COLEC12: variants seen among roughly 807,000 people sequenced by gnomAD.
COLEC12 encodes collectin subfamily member 12, also known as collectin-12.
In COLEC12, 33 loss-of-function variants were observed where a neutral mutation model predicts 71.1. The ratio of observed to expected loss-of-function variants is 0.46; its 90% CI spans 0.35 to 0.62. COLEC12 has a LOEUF of 0.62. COLEC12 is among the 20% of genes least tolerant of loss of function. The pLI is 0.00. For missense variants in COLEC12, 765 were observed against 916.1 expected (o/e 0.84, Z 2.13); for synonymous variants, 350 against 353.0 (o/e 0.99, Z 0.10).
At chr18:413,202 T>C (rs1481035316) in intron 2 of COLEC12, among the ~76,000 whole-genome samples, 3 of 152,118 alleles carry the variant, frequency 2.0e-5, no homozygotes, top group Non-Finnish European at 4.4e-5. Context: ...TGAAGAGACA[T>C]TTGACTGAAG....
intron 9 of COLEC12, among the ~76,000 whole-genome samples, chr18:321,242 T>C (rs1005527756): frequency 3.3e-5 from 5 of 152,232 alleles, no homozygotes; most frequent in African/African-American, 9.6e-5. Context: ...TTAGTAGAGA[T>C]GGGGTTTCTC....
chr18:464,561 C>T (rs1390749159), intron 2 of COLEC12, among the ~76,000 whole-genome samples: 1 of 152,170 alleles, frequency 6.6e-6, no homozygotes, highest in African/African-American at 2.4e-5. Context: ...TCACTGGTTC[C>T]CCCCACTTTC....
intron 2 of COLEC12, among the ~76,000 whole-genome samples, chr18:361,526 T>C: frequency 6.6e-6 from 1 of 152,044 alleles, no homozygotes; most frequent in East Asian, 1.9e-4. Context: ...AAGGCACTCT[T>C]AACTAAAGGA....
chr18:368,982 A>G (rs997585592), intron 2 of COLEC12, among the ~76,000 whole-genome samples: 1 of 152,170 alleles, frequency 6.6e-6, no homozygotes, highest in Non-Finnish European at 1.5e-5. Context: ...GTGACCCCCA[A>G]TTGTTGTTAT....
intron 2 of COLEC12, among the ~76,000 whole-genome samples, chr18:419,084 G>A (rs1916044572): frequency 6.6e-6 from 1 of 152,230 alleles, no homozygotes. Flanking sequence ...AAGAGCTGAT[G>A]TAGGGATTGG....
chr18:318,088 T>G lies in COLEC12; in HGVS notation c.*1957A>C, dbSNP rs9946084. On this transcript the variant is annotated 3_prime_UTR_variant, in exon 10 of 10. Coordinates refer to ENST00000400256, the MANE Select transcript of COLEC12 (RefSeq NM_130386.3). ...GCTTCCTGGGTTCACGCCATTCTCCTGCCTCAGCCTCCCGAGTAGCTGGGA... is the reference window on the plus strand; with the variant it reads ...GCTTCCTGGGTTCACGCCATTCTCCGGCCTCAGCCTCCCGAGTAGCTGGGA... 2.0e-5 allele frequency: 3 copies of G among 146,484 alleles called. No individual in the cohort carries two copies. The South Asian group carries it at 6.6e-4, about 32-fold the overall frequency. The allele number at this position is 146,484 out of a possible 1,614,324, so 9.1% of individuals were successfully genotyped here. A position where few individuals can be genotyped will look rare whatever the true frequency, so the allele number is the denominator to read the frequency against.
intron 2 of COLEC12, among the ~76,000 whole-genome samples, chr18:443,526 T>C (rs894928455): frequency 2.6e-5 from 4 of 152,228 alleles, no homozygotes; most frequent in East Asian, 1.9e-4. Flanking sequence ...CAGGTTTTCA[T>C]GGGAACATGT....
At chr18:397,869 G>A (rs1915603550) in intron 2 of COLEC12, among the ~76,000 whole-genome samples, 1 of 152,076 alleles carries the variant, frequency 6.6e-6, no homozygotes, top group African/African-American at 2.4e-5. Flanking sequence ...CACCCAGCCA[G>A]GAAAAAATGT....
intron 2 of COLEC12, among the ~76,000 whole-genome samples, chr18:450,513 T>C (rs1916739668): frequency 1.3e-5 from 2 of 152,176 alleles, no homozygotes; most frequent in South Asian, 2.1e-4. Context: ...TCTACCATGA[T>C]TTTAAGTTTC....
intron 5 of COLEC12, among the ~76,000 whole-genome samples, chr18:338,367 G>A (rs140263054): frequency 6.6e-6 from 1 of 152,168 alleles, no homozygotes; most frequent in African/African-American, 2.4e-5. Context: ...GCACTCTAAC[G>A]CTCACAATTT....
At chr18:397,295 G>A (rs1915592051) in intron 2 of COLEC12, among the ~76,000 whole-genome samples, 1 of 152,024 alleles carries the variant, frequency 6.6e-6, no homozygotes, top group Non-Finnish European at 1.5e-5. Context: ...TAGGTTCCAA[G>A]CATTTTGAAC....
chr18:454,197 T>C (rs1916819327), intron 2 of COLEC12, among the ~76,000 whole-genome samples: 1 of 152,216 alleles, frequency 6.6e-6, no homozygotes, highest in South Asian at 2.1e-4. Flanking sequence ...CCCGCCACTC[T>C]ATTGTAGCTA....
chr18:452,663 A>C (rs12607297), intron 2 of COLEC12, among the ~76,000 whole-genome samples: 3 of 152,096 alleles, frequency 2.0e-5, no homozygotes, highest in Non-Finnish European at 2.9e-5. Flanking sequence ...CTATTACCCC[A>C]ACAAAACCAT....
chr18:485,770 C>T (rs1475993318), intron 1 of COLEC12, among the ~76,000 whole-genome samples: 1 of 152,220 alleles, frequency 6.6e-6, no homozygotes, highest in African/African-American at 2.4e-5. Context: ...ATGTTCCAGT[C>T]AATCTGTGGA....
At chr18:372,207 C>G (rs757087240) in intron 2 of COLEC12, among the ~76,000 whole-genome samples, 1 of 152,184 alleles carries the variant, frequency 6.6e-6, no homozygotes, top group Admixed American at 6.5e-5. Flanking sequence ...ATTCCCCTCT[C>G]GAAACACAAA....
rs1157787449 is a variant in COLEC12, at chr18:428,457, T to A, written c.58+52250A>T. 2.6e-5 allele frequency among the ~76,000 whole-genome samples: 4 copies of A among 152,134 alleles called. No individual in the cohort carries two copies. In the East Asian group the frequency reaches 7.7e-4, roughly 29 times the overall value. On this transcript the variant is annotated intron_variant, in intron 2 of 9. Coordinates refer to ENST00000400256, the MANE Select transcript of COLEC12 (RefSeq NM_130386.3). Reference sequence around the variant, plus strand: ...TTTTGTTAAAAGTAGTGCTAAGTGATTATTTCAAGTAACTCACTGGGTGAC... The same window carrying A: ...TTTTGTTAAAAGTAGTGCTAAGTGAATATTTCAAGTAACTCACTGGGTGAC...
chr18:380,717 G>A (rs1411666214), intron 2 of COLEC12, among the ~76,000 whole-genome samples: 1 of 152,190 alleles, frequency 6.6e-6, no homozygotes, highest in Non-Finnish European at 1.5e-5. Context: ...TAATATGGAT[G>A]TGACGGAAAG....
intron 2 of COLEC12, among the ~76,000 whole-genome samples, chr18:398,886 C>T (rs897401422): frequency 6.6e-6 from 1 of 152,192 alleles, no homozygotes; most frequent in Non-Finnish European, 1.5e-5. Context: ...TCTTTTTGTG[C>T]TTCTTGGAGA....
chr18:391,618 T>G (rs972500319), intron 2 of COLEC12, among the ~76,000 whole-genome samples: 1 of 152,188 alleles, frequency 6.6e-6, no homozygotes, highest in Non-Finnish European at 1.5e-5. Context: ...TATAATTTAG[T>G]GCACTGTGGC....
Sources: gnomAD v4.1 joint callset for allele counts (sites outside exome capture counted in the v4.1 genomes callset) on GRCh38, gnomAD v4.1.1 for gene constraint, MANE v1.5 for transcripts, NCBI Gene and HGNC (gene_info 2026-07-23, HGNC 2026-07-21) for gene names.